The following MAPT variants were observed in gnomAD, a reference collection of about 807,000 sequenced individuals.
The protein encoded by MAPT is microtubule-associated protein tau.
MAPT carries 34 observed loss-of-function variants against 67.9 expected under a neutral mutation model. The observed-to-expected ratio is 0.50, with a 90% confidence interval of 0.38 to 0.67. The LOEUF (loss-of-function observed/expected upper bound fraction) is 0.67. Among genes scored for constraint, MAPT ranks in the 30% least tolerant of loss-of-function variants. The pLI is 0.00. For missense variants in MAPT, 881 were observed against 1,115.2 expected, an observed-to-expected ratio of 0.79 and a Z score of 2.99; for synonymous variants, 456 against 464.5, an observed-to-expected ratio of 0.98 and a Z score of 0.23.
chr17:45,999,681 G>A (rs367821855), intron 9 of MAPT: 84 of 1,563,672 alleles, frequency 5.4e-5, no homozygotes, highest in Non-Finnish European at 6.8e-5. Context: ...GGGCAGATGG[G>A]AGCCCCAGGT....
At chr17:45,956,830 A>C (rs1385116636) in intron 1 of MAPT, among the ~76,000 whole-genome samples, 1 of 149,210 alleles carries the variant, frequency 6.7e-6, no homozygotes, top group African/African-American at 2.5e-5. Context: ...CCCACCTACG[A>C]GTGAGAACAT....
At chr17:45,970,306 A>G (rs1451117927) in intron 2 of MAPT, among the ~76,000 whole-genome samples, 1 of 152,010 alleles carries the variant, frequency 6.6e-6, no homozygotes, top group Non-Finnish European at 1.5e-5. Flanking sequence ...TTATACATCA[A>G]TTATACATCC....
chr17:45,907,399 A>G (rs1204857175), intron 1 of MAPT, among the ~76,000 whole-genome samples: 2 of 152,158 alleles, frequency 1.3e-5, no homozygotes, highest in African/African-American at 4.8e-5. Flanking sequence ...AGTGCCTCAC[A>G]GTTTCCTTCT....
intron 9 of MAPT, among the ~76,000 whole-genome samples, chr17:46,002,712 G>A (rs756735159): frequency 1.3e-5 from 2 of 152,198 alleles, no homozygotes; most frequent in Non-Finnish European, 2.9e-5. Context: ...CCACAAGATG[G>A]CAATAGAATG....
Position 45,996,556 on chromosome 17 carries a change from C to T in MAPT, c.1890C>T (p.Ser630=), listed in dbSNP as rs372356754. ...VVRTPPKSPS[S]AKSRLQTAPV... ...GTACTCCACCCAAGTCGCCGTCTTC[C>T]GCCAAGAGCCGCCTGCAGACAGCCC... is the stretch of plus-strand genomic sequence containing the variant. Residue 630 remains serine (S), a synonymous_variant, in exon 9 of 13, where the codon TCC becomes TCT. Coordinates refer to ENST00000262410, the MANE Select transcript of MAPT (RefSeq NM_001377265.1). The surrounding 1 kb of genome is among the most constrained non-coding windows in gnomAD (Gnocchi z 4.5). 28 of 1,613,508 alleles carry T rather than the reference C, an allele frequency of 1.7e-5. No individual in the cohort carries two copies. Among genetic ancestry groups the T allele is most frequent in the African/African-American group, 9.3e-5 (7 of 74,932 alleles).
rs2076875729 is a variant in MAPT at position 46,027,749 on chromosome 17, C to A, written c.*3578C>A. Reference sequence around the variant, plus strand: ...CTGGCTAGTTCATTCCCTCCCCAGCCAGGTGCAGGCGTAGGAATATGGACA... The same window carrying A: ...CTGGCTAGTTCATTCCCTCCCCAGCAAGGTGCAGGCGTAGGAATATGGACA... On this transcript the variant is annotated 3_prime_UTR_variant, in exon 13 of 13. Coordinates refer to ENST00000262410, the MANE Select transcript of MAPT (RefSeq NM_001377265.1). The A allele has an allele frequency of 6.6e-6, 1 of 152,280 alleles. No individual in the cohort carries two copies. Among genetic ancestry groups the A allele is most frequent in the Admixed American group, 6.5e-5 (1 of 15,284 alleles). The allele number at this position is 152,280 out of a possible 1,614,324, so 9.4% of individuals were successfully genotyped here.
At position 45,962,409 on chromosome 17, in the gene MAPT, A is replaced by G. The variant is rs2070542553; in HGVS notation, c.72A>G (p.Lys24=). The part of the protein sequence containing the change: ...HAGTYGLGDR[K]DQGGYTMHQD... Reference sequence around the variant, plus strand: ...GGACGTACGGGTTGGGGGACAGGAAAGATCAGGGGGGCTACACCATGCACC... The same window carrying G: ...GGACGTACGGGTTGGGGGACAGGAAGGATCAGGGGGGCTACACCATGCACC... The change falls in exon 2 of 13, where the codon AAA becomes AAG. Residue 24 remains lysine, a synonymous_variant. Coordinates refer to ENST00000262410, the MANE Select transcript of MAPT (RefSeq NM_001377265.1). 4 of 1,612,808 alleles carry G rather than the reference A, an allele frequency of 2.5e-6. No homozygotes were observed. The East Asian group carries it at 6.7e-5, about 27-fold the overall frequency.
intron 6 of MAPT, among the ~76,000 whole-genome samples, chr17:45,987,674 GA>G (rs2073692834): frequency 2.0e-5 from 3 of 152,342 alleles, no homozygotes; most frequent in Admixed American, 2.0e-4. Flanking sequence ...TGAAACACCT[GA>G]ATTTTAATCA....
chr17:45,983,961 C>T (rs1425274935), intron 5 of MAPT, 31 bp downstream of exon 5: 2 of 1,516,420 alleles, frequency 1.3e-6, no homozygotes, highest in East Asian at 2.3e-5. Context: ...CGCTCCTTCC[C>T]TGGGGACCTC....
chr17:45,911,767 AAAAC>A (rs920932504), intron 1 of MAPT, among the ~76,000 whole-genome samples: 8 of 148,186 alleles, frequency 5.4e-5, no homozygotes, highest in Admixed American at 1.4e-4. Context: ...TGCTCTCAAA[AAAAC>A]AAACAAACAA....
At chr17:45,941,948 A>G (rs1311416857) in intron 1 of MAPT, among the ~76,000 whole-genome samples, 1 of 152,034 alleles carries the variant, frequency 6.6e-6, no homozygotes, top group Non-Finnish European at 1.5e-5. Context: ...GTCCATTTAA[A>G]TTGATCTAGA....
intron 1 of MAPT, chr17:45,908,093 T>C (rs1035654704): frequency 6.6e-6 from 1 of 152,254 alleles, no homozygotes; most frequent in Non-Finnish European, 1.5e-5. Flanking sequence ...ATATGTAACA[T>C]GAGCCTGGAG....
intron 1 of MAPT, among the ~76,000 whole-genome samples, chr17:45,904,234 T>C (rs1463626077): frequency 2.0e-5 from 1 of 48,834 alleles, no homozygotes; most frequent in African/African-American, 7.1e-5. Flanking sequence ...ATATATTATA[T>C]ATTATAATAT....
At chr17:45,957,121 G>A (rs1248041632) in intron 1 of MAPT, among the ~76,000 whole-genome samples, 3 of 152,108 alleles carry the variant, frequency 2.0e-5, no homozygotes, top group Non-Finnish European at 4.4e-5. Context: ...CCAGTAATGA[G>A]ATGGCTGGGT....
At chr17:45,950,375 G>A (rs1034268595) in intron 1 of MAPT, among the ~76,000 whole-genome samples, 1 of 152,176 alleles carries the variant, frequency 6.6e-6, no homozygotes, top group South Asian at 2.1e-4. Flanking sequence ...CAGAAGATGT[G>A]AACTCTGCTG....
At chr17:45,914,215 G>A (rs2065009435) in intron 1 of MAPT, among the ~76,000 whole-genome samples, 1 of 152,202 alleles carries the variant, frequency 6.6e-6, no homozygotes, top group South Asian at 2.1e-4. Flanking sequence ...GAGGGTGTGG[G>A]CAGCCAGGCT....
At chr17:45,994,112 G>A (rs1409479133) in intron 8 of MAPT, 4 of 781,472 alleles carry the variant, frequency 5.1e-6, no homozygotes, top group Non-Finnish European at 8.1e-6. Context: ...TGAAGATGGA[G>A]CAGTCCGAAT....
chr17:46,020,749 C>T (rs886938890), intron 12 of MAPT, among the ~76,000 whole-genome samples: 11 of 152,102 alleles, frequency 7.2e-5, no homozygotes, highest in East Asian at 1.9e-4. Context: ...GAGAACAGCA[C>T]GGGAAAGACC....
intron 9 of MAPT, among the ~76,000 whole-genome samples, chr17:46,006,408 G>T (rs529067950): frequency 6.6e-6 from 1 of 152,210 alleles, no homozygotes; most frequent in African/African-American, 2.4e-5. Flanking sequence ...ATAGAGAGTA[G>T]AAGGATGGTT....
Sources: allele counts gnomAD v4.1 joint callset (sites outside exome capture counted in the v4.1 genomes callset), GRCh38; gene constraint gnomAD v4.1.1; non-coding constraint Gnocchi (gnomAD v3.1); transcripts MANE v1.5; gene names NCBI Gene and HGNC (gene_info 2026-07-23, HGNC 2026-07-21).